VPS13B: variants seen among roughly 807,000 people sequenced by gnomAD.
VPS13B encodes intermembrane lipid transfer protein VPS13B.
A neutral mutation model predicts 426.4 loss-of-function variants in VPS13B; 285 were observed. That is an observed-to-expected ratio of 0.67 (90% confidence interval 0.61 to 0.74). The LOEUF (loss-of-function observed/expected upper bound fraction) is 0.74. VPS13B is among the 30% of genes least tolerant of loss of function. VPS13B has a pLI of 0.00. For missense variants in VPS13B, 4,537 were observed against 4,782.6 expected, an observed-to-expected ratio of 0.95 and a Z score of 1.51; for synonymous variants, 1,676 against 1,676.4, an observed-to-expected ratio of 1.00 and a Z score of 0.01.
Position 99,556,560 on chromosome 8 carries a change from T to C in VPS13B, c.4856T>C (p.Leu1619Pro). Residue 1619 changes from leucine (L) to proline (P), a missense_variant, in exon 31 of 62, where the codon CTA becomes CCA. Leu to Pro is a moderately conservative substitution (Grantham distance 98, BLOSUM62 -3). Transcript: ENST00000357162. ...INIGTAQWHQLKPEKESVSGG... is the reference protein window; with the variant it reads ...INIGTAQWHQPKPEKESVSGG... ...ATTGGTACTGCACAGTGGCATCAAC[T>C]AAAACCAGAGAAGGAAAGTGTCTCA... The C allele has an allele frequency of 1.2e-6, 2 of 1,613,314 alleles. No individual in the cohort carries two copies. Among genetic ancestry groups the C allele is most frequent in the Non-Finnish European group, 1.7e-6 (2 of 1,179,542 alleles).
chr8:99,261,024 A>G (rs1404352861), intron 17 of VPS13B, among the ~76,000 whole-genome samples: 1 of 151,942 alleles, frequency 6.6e-6, no homozygotes, highest in Non-Finnish European at 1.5e-5. Flanking sequence ...GATTTCCCTT[A>G]TACCCCCACC....
chr8:99,384,141 A>T, intron 19 of VPS13B, 67 bp from the exon 20 acceptor site: 1 of 1,293,790 alleles, frequency 7.7e-7, no homozygotes, highest in South Asian at 1.2e-5. Context: ...TACATGGTGT[A>T]AAGTGACAAA....
In VPS13B at chr8:99,117,429, A is replaced by G. The variant is rs1006850869; in HGVS notation, c.937+1555A>G. ...ATAGAGTTACCATGTTGACCCAGCAATTCCATTCCTACGTGTATATCAAGA... is the reference window on the plus strand; with the variant it reads ...ATAGAGTTACCATGTTGACCCAGCAGTTCCATTCCTACGTGTATATCAAGA... On this transcript the variant is annotated intron_variant, in intron 7 of 61. Transcript: ENST00000357162. Among the ~76,000 whole-genome samples the G allele has an allele frequency of 1.8e-4, 28 of 152,188 alleles. 1 individual carries two copies. The highest frequency in any genetic ancestry group is 3.7e-4 in the Non-Finnish European group (25 of 68,020).
At chr8:99,123,011 C>T (rs1848020725) in intron 8 of VPS13B, among the ~76,000 whole-genome samples, 1 of 150,286 alleles carries the variant, frequency 6.7e-6, no homozygotes, top group Non-Finnish European at 1.5e-5. Flanking sequence ...ATCCCAGCTA[C>T]TCGGGAGGCT....
intron 6 of VPS13B, among the ~76,000 whole-genome samples, chr8:99,112,980 GA>G (rs1847446964): frequency 1.3e-5 from 2 of 151,954 alleles, no homozygotes; most frequent in African/African-American, 4.8e-5. Flanking sequence ...ATCAATTTTG[GA>G]GGTTTTATTT....
chr8:99,741,994 T>C (rs1366844060), intron 39 of VPS13B, among the ~76,000 whole-genome samples: 1 of 151,848 alleles, frequency 6.6e-6, no homozygotes, highest in Non-Finnish European at 1.5e-5. Flanking sequence ...CTGAAGGAAA[T>C]AGAGACACAA....
At chr8:99,195,313 C>A (rs182002340) in intron 17 of VPS13B, among the ~76,000 whole-genome samples, 3 of 152,234 alleles carry the variant, frequency 2.0e-5, no homozygotes, top group Admixed American at 2.0e-4. Flanking sequence ...TACTTGTTGG[C>A]CATTTGTATG....
At chr8:99,055,012 A>C (rs752530674) in intron 3 of VPS13B, among the ~76,000 whole-genome samples, 27 of 148,978 alleles carry the variant, frequency 1.8e-4, no homozygotes, top group Non-Finnish European at 3.3e-4. Context: ...GAAATAAATA[A>C]GCTTCCTATT....
chr8:99,719,116 AT>A (rs1241119115), intron 37 of VPS13B, among the ~76,000 whole-genome samples: 6 of 152,350 alleles, frequency 3.9e-5, no homozygotes, highest in African/African-American at 1.4e-4. Context: ...ATAAACATGT[AT>A]TACTTTATCA....
At chr8:99,573,381 A>G (rs148392454) in intron 31 of VPS13B, among the ~76,000 whole-genome samples, 6 of 152,318 alleles carry the variant, frequency 3.9e-5, no homozygotes, top group South Asian at 4.1e-4. Flanking sequence ...GCCCATGCCT[A>G]TGTCCTGAAA....
Position 99,640,063 on chromosome 8 carries a change from AAAG to A in VPS13B, c.5221-1745_5221-1743del, listed in dbSNP as rs1563838994. 1.1e-4 allele frequency among the ~76,000 whole-genome samples: 11 copies of A among 103,046 alleles called. 1 individual carries two copies. Among genetic ancestry groups the A allele is most frequent in the African/African-American group, 4.0e-4 (11 of 27,352 alleles). 67.6% of individuals were successfully genotyped at this position (103,046 alleles called of 152,430 possible). A position where few individuals can be genotyped will look rare whatever the true frequency, so the allele number is the denominator to read the frequency against. On this transcript the variant is annotated intron_variant, in intron 33 of 61. Coordinates refer to ENST00000357162, the MANE Select transcript of VPS13B (RefSeq NM_152564.5). ...AAGAAGAAGAAGAGAAAAGAAAAGA[AAAG>A]AAAAGAAAAGAAAAGAAAAGAAAAG...
intron 31 of VPS13B, among the ~76,000 whole-genome samples, chr8:99,568,199 T>C (rs1225558312): frequency 6.6e-6 from 1 of 152,142 alleles, no homozygotes; most frequent in Non-Finnish European, 1.5e-5. Context: ...GTTTGAATTT[T>C]ATTTTAATTG....
chr8:99,168,096 G>C (rs990314390), intron 15 of VPS13B, among the ~76,000 whole-genome samples: 1 of 151,996 alleles, frequency 6.6e-6, no homozygotes, highest in Non-Finnish European at 1.5e-5. Flanking sequence ...AGTTCTTTTT[G>C]ATTTGGTGGA....
intron 37 of VPS13B, among the ~76,000 whole-genome samples, chr8:99,720,067 C>G (rs947652990): frequency 6.6e-6 from 1 of 152,112 alleles, no homozygotes; most frequent in Non-Finnish European, 1.5e-5. Flanking sequence ...TAAATTAATT[C>G]ATAAACATTA....
intron 39 of VPS13B, among the ~76,000 whole-genome samples, chr8:99,743,931 T>C (rs968141786): frequency 6.6e-6 from 1 of 152,132 alleles, no homozygotes; most frequent in African/African-American, 2.4e-5. Flanking sequence ...ACTTCATGTC[T>C]AAAACACCAA....
intron 21 of VPS13B, among the ~76,000 whole-genome samples, chr8:99,393,709 T>A (rs1043105654): frequency 6.6e-6 from 1 of 152,148 alleles, no homozygotes; most frequent in African/African-American, 2.4e-5. Context: ...AGGCCTTGAG[T>A]ATAACATTTA....
chr8:99,135,928 T>C (rs1458205057), intron 11 of VPS13B, among the ~76,000 whole-genome samples, 195 bp downstream of exon 11: 1 of 152,106 alleles, frequency 6.6e-6, no homozygotes, highest in Non-Finnish European at 1.5e-5. Context: ...TTATTGAATA[T>C]GTAAACATAT....
At chr8:99,549,657 C>T (rs1170871260) in intron 30 of VPS13B, among the ~76,000 whole-genome samples, 1 of 152,106 alleles carries the variant, frequency 6.6e-6, no homozygotes, top group Non-Finnish European at 1.5e-5. Flanking sequence ...TGCACCTCTT[C>T]CTCAAACACT....
intron 36 of VPS13B, among the ~76,000 whole-genome samples, chr8:99,706,229 G>A (rs1034927172): frequency 1.3e-5 from 2 of 152,076 alleles, no homozygotes; most frequent in Admixed American, 6.6e-5. Flanking sequence ...AATAATAAAT[G>A]TTCCTGGATT....
Sources: gnomAD v4.1 joint callset for allele counts (sites outside exome capture counted in the v4.1 genomes callset) on GRCh38, gnomAD v4.1.1 for gene constraint, MANE v1.5 for transcripts, NCBI Gene and HGNC (gene_info 2026-07-23, HGNC 2026-07-21) for gene names.